Variants in PSMA6 observed in about 807,000 individuals in gnomAD.
PSMA6 encodes proteasome subunit alpha type-6.
For missense variants in PSMA6, 170 were observed against 294.8 expected, an observed-to-expected ratio of 0.58 and a Z score of 3.10; for synonymous variants, 88 against 97.7, an observed-to-expected ratio of 0.90 and a Z score of 0.59.
chr14:35,288,899 G>A (rs2051448175), upstream of PSMA6, among the ~76,000 whole-genome samples: 1 of 152,212 alleles, frequency 6.6e-6, no homozygotes, highest in African/African-American at 2.4e-5. Flanking sequence ...TGTGGCCCAG[G>A]ATGGCTTTCA....
At chr14:35,290,921 C>T (rs1285237378), upstream of PSMA6, among the ~76,000 whole-genome samples, 1 of 152,190 alleles carries the variant, frequency 6.6e-6, no homozygotes, top group Non-Finnish European at 1.5e-5. Flanking sequence ...CCCATCCCCT[C>T]AGCTCTAGTT....
chr14:35,285,290 A>G (rs2051408283), intron 1 of PSMA6, among the ~76,000 whole-genome samples: 1 of 151,498 alleles, frequency 6.6e-6, no homozygotes, highest in African/African-American at 2.4e-5. Context: ...CAGTGAGCCA[A>G]GATCGTGCCA....
At chr14:35,313,873 C>T (rs373753041) in intron 5 of PSMA6, 6 of 152,292 alleles carry the variant, frequency 3.9e-5, no homozygotes, top group East Asian at 1.9e-4. Flanking sequence ...TCAGGAGACT[C>T]GCTTGAATCC....
At chr14:35,299,943 A>C (rs1444609533) in intron 1 of PSMA6, among the ~76,000 whole-genome samples, 1 of 152,220 alleles carries the variant, frequency 6.6e-6, no homozygotes, top group Non-Finnish European at 1.5e-5. Flanking sequence ...TCAGAGATGA[A>C]TTGGCCCAGA....
At chr14:35,303,817 C>A (rs1231635136) in intron 1 of PSMA6, among the ~76,000 whole-genome samples, 2 of 151,836 alleles carry the variant, frequency 1.3e-5, no homozygotes, top group African/African-American at 4.8e-5. Flanking sequence ...AGATTTTTTT[C>A]TTGTCATTAT....
intron 1 of PSMA6, among the ~76,000 whole-genome samples, chr14:35,300,166 T>C (rs889167794): frequency 6.6e-6 from 1 of 151,680 alleles, no homozygotes; most frequent in African/African-American, 2.4e-5. Flanking sequence ...AATAGGAGAG[T>C]TGAGTGTAGA....
intron 1 of PSMA6, 139 bp downstream of exon 1, chr14:35,292,691 T>C: frequency 2.1e-6 from 3 of 1,443,472 alleles, no homozygotes; most frequent in Admixed American, 2.6e-5. Context: ...TGAAGCTGGA[T>C]TGAGCTCTGT....
intron 3 of PSMA6, chr14:35,310,189 GCC>G: frequency 5.6e-6 from 2 of 355,452 alleles, no homozygotes; most frequent in African/African-American, 7.9e-5. Flanking sequence ...CTCTCTCAAG[GCC>G]TTTTTTTTTT....
intron 1 of PSMA6, among the ~76,000 whole-genome samples, chr14:35,299,063 G>T (rs770565759): frequency 6.6e-6 from 1 of 152,102 alleles, no homozygotes; most frequent in Non-Finnish European, 1.5e-5. Flanking sequence ...GTCTCACTCT[G>T]TCGCCCAGGC....
chr14:35,289,766 T>C (rs1012145873), upstream of PSMA6, among the ~76,000 whole-genome samples: 33 of 152,034 alleles, frequency 2.2e-4, no homozygotes, highest in African/African-American at 8.0e-4. Flanking sequence ...AAAAAAATTT[T>C]TTTTAAACTA....
intron 6 of PSMA6, 118 bp downstream of exon 6, chr14:35,314,573 G>A: frequency 7.8e-7 from 1 of 1,287,768 alleles, no homozygotes; most frequent in Non-Finnish European, 1.0e-6. Flanking sequence ...TTTTGTTTGT[G>A]TGTTTGTTTT....
At chr14:35,289,976 G>T (rs542508096), upstream of PSMA6, among the ~76,000 whole-genome samples, 17 of 151,722 alleles carry the variant, frequency 1.1e-4, no homozygotes, top group Non-Finnish European at 2.4e-4. Flanking sequence ...GGCAGAGGGG[G>T]AGAAGTATTA....
rs770083804 is a variant in PSMA6, at chr14:35,292,847, GTTA to G, written c.76+298_76+300del. The G allele has an allele frequency of 3.7e-4, 193 of 526,640 alleles. 4 individuals are homozygous for G. The highest frequency in any genetic ancestry group is 3.2e-3 in the Middle Eastern group (11 of 3,490). 32.6% of individuals were successfully genotyped at this position (526,640 alleles called of 1,614,324 possible). A position where few individuals can be genotyped will look rare whatever the true frequency, so the allele number is the denominator to read the frequency against. On this transcript the variant is annotated intron_variant, in intron 1 of 6. Transcript: ENST00000261479. Reference sequence around the variant, plus strand: ...ACTCCGGCTTCGTGAGGCCCCTTCAGTTATTGTATTCTGTCCTGGCCAGGCACA... The same window carrying G: ...ACTCCGGCTTCGTGAGGCCCCTTCAGTTGTATTCTGTCCTGGCCAGGCACA...
chr14:35,305,420 G>A (rs2051804242), intron 1 of PSMA6, among the ~76,000 whole-genome samples: 1 of 152,216 alleles, frequency 6.6e-6, no homozygotes, highest in African/African-American at 2.4e-5. Flanking sequence ...ACAGATGTGA[G>A]CCACTGCACC....
intron 3 of PSMA6, among the ~76,000 whole-genome samples, chr14:35,309,398 C>T (rs978829846): frequency 6.6e-6 from 1 of 152,064 alleles, no homozygotes; most frequent in Non-Finnish European, 1.5e-5. Context: ...AGTTGTAATC[C>T]CAGCACTTTG....
chr14:35,296,029 A>G (rs918921107), intron 1 of PSMA6, among the ~76,000 whole-genome samples: 1 of 152,096 alleles, frequency 6.6e-6, no homozygotes. Flanking sequence ...TGACAGGTGT[A>G]TGTGAGCACT....
At chr14:35,306,978 C>A (rs1339195608) in intron 1 of PSMA6, among the ~76,000 whole-genome samples, 1 of 151,958 alleles carries the variant, frequency 6.6e-6, no homozygotes, top group African/African-American at 2.4e-5. Flanking sequence ...GAAACCCCAT[C>A]TTTACTAAAA....
chr14:35,286,739 C>T (rs1313284645), intron 1 of PSMA6, among the ~76,000 whole-genome samples: 1 of 152,048 alleles, frequency 6.6e-6, no homozygotes, highest in African/African-American at 2.4e-5. Context: ...ATAATCCAGG[C>T]CCAGAACCAC....
intron 3 of PSMA6, among the ~76,000 whole-genome samples, chr14:35,309,290 C>T (rs1180994808): frequency 6.6e-6 from 1 of 152,076 alleles, no homozygotes; most frequent in Non-Finnish European, 1.5e-5. Flanking sequence ...TTTAAGGGGA[C>T]CTAACTCAGT....
Sources: gnomAD v4.1 joint callset for allele counts (sites outside exome capture counted in the v4.1 genomes callset) on GRCh38, gnomAD v4.1.1 for gene constraint, MANE v1.5 for transcripts, NCBI Gene and HGNC (gene_info 2026-07-23, HGNC 2026-07-21) for gene names.